The following TRPM6 variants were observed in gnomAD, a reference collection of about 807,000 sequenced individuals.
TRPM6 encodes the protein transient receptor potential cation channel subfamily M member 6, also known as channel kinase 2.
Under a neutral mutation model 247.6 loss-of-function variants are expected in TRPM6, and 111 were observed. The ratio of observed to expected loss-of-function variants is 0.45; its 90% CI spans 0.38 to 0.52. The LOEUF (loss-of-function observed/expected upper bound fraction) is 0.52, where lower values mean the gene tolerates loss of function less well. TRPM6 is among the 20% of genes least tolerant of loss of function. The probability of loss-of-function intolerance (pLI) is 0.00; values close to 1 mark genes in which losing one functional copy is unlikely to be tolerated. For synonymous variants in TRPM6, 892 were observed against 853.8 expected (o/e 1.04, Z -0.78); for missense variants, 2,126 against 2,421.5 (o/e 0.88, Z 2.56).
chr9:74,876,481 C>G (rs1831194586), intron 1 of TRPM6, among the ~76,000 whole-genome samples: 1 of 152,180 alleles, frequency 6.6e-6, no homozygotes, highest in South Asian at 2.1e-4. Context: ...TACCTGGGTG[C>G]AGTTATTAAA....
rs747878850 is a variant in TRPM6, at chr9:74,801,992, C to T, written c.1915G>A (p.Val639Met). Residue 639 changes from valine to methionine, a missense_variant, in exon 16 of 39, where the codon GTG (valine) becomes ATG (methionine). Physicochemically the swap from Val to Met is conservative, Grantham distance 21. This residue lies in a region of TRPM6 where 1,082 missense variants were observed against 1,307.9 expected (regional missense o/e 0.83). Coordinates refer to ENST00000360774, the MANE Select transcript of TRPM6 (RefSeq NM_017662.5). Reference protein sequence around the residue: ...QHGEEATVKAVIACILYRAMA... With the variant: ...QHGEEATVKAMIACILYRAMA... ...GCCCGGTAGAGGATACACGCAATCA[C>T]GGCTTTAACCGTGGCCTCCTCTCCA... 13 of 1,614,104 alleles carry T rather than the reference C, an allele frequency of 8.1e-6. No homozygotes were observed. Among genetic ancestry groups the T allele is most frequent in the South Asian group, 2.2e-5 (2 of 91,090 alleles).
chr9:74,829,953 C>T (rs527527320), intron 6 of TRPM6, among the ~76,000 whole-genome samples: 32 of 152,030 alleles, frequency 2.1e-4, no homozygotes, highest in Non-Finnish European at 4.3e-4. Flanking sequence ...AGCAAGGCCC[C>T]ATCTCTAAAA....
chr9:74,800,910 T>TG (rs1554708851), intron 16 of TRPM6, among the ~76,000 whole-genome samples: 2 of 151,326 alleles, frequency 1.3e-5, no homozygotes, highest in African/African-American at 2.4e-5. Context: ...GTGTGTTTTT[T>TG]TTTTTTTTTT....
intron 36 of TRPM6, among the ~76,000 whole-genome samples, chr9:74,737,034 C>T (rs1046923482): frequency 2.0e-5 from 3 of 152,010 alleles, no homozygotes; most frequent in Non-Finnish European, 4.4e-5. Context: ...CAGTCAAATA[C>T]AGATGAAAAC....
intron 2 of TRPM6, 76 bp downstream of exon 2, chr9:74,858,593 T>A: frequency 1.1e-6 from 1 of 897,226 alleles, no homozygotes; most frequent in Non-Finnish European, 1.8e-6. Flanking sequence ...TCTAAACAAG[T>A]CATATTTCTA....
chr9:74,746,573 T>G (rs1005034399), intron 31 of TRPM6, among the ~76,000 whole-genome samples: 2 of 152,204 alleles, frequency 1.3e-5, no homozygotes, highest in African/African-American at 4.8e-5. Flanking sequence ...TTCAAGAGCA[T>G]TGAGGAAAAA....
At chr9:74,779,576 C>G (rs901162698) in intron 23 of TRPM6, among the ~76,000 whole-genome samples, 7 of 152,128 alleles carry the variant, frequency 4.6e-5, no homozygotes, top group African/African-American at 1.7e-4. Context: ...AATCAAATAC[C>G]TAGCACAGTG....
chr9:74,764,321 A>C (rs1205672621), intron 25 of TRPM6, among the ~76,000 whole-genome samples: 1 of 152,176 alleles, frequency 6.6e-6, no homozygotes, highest in Admixed American at 6.5e-5. Flanking sequence ...AATCAAGTTA[A>C]AATGTGATCA....
At chr9:74,768,463 C>T (rs1225370895) in intron 25 of TRPM6, among the ~76,000 whole-genome samples, 1 of 152,218 alleles carries the variant, frequency 6.6e-6, no homozygotes, top group Non-Finnish European at 1.5e-5. Context: ...GCCTCCTGAA[C>T]ATCTCTGGCT....
rs756340370 is a variant in TRPM6, at chr9:74,762,825, C to T, written c.3846G>A (p.Leu1282=). The change falls in exon 26 of 39, where the codon TTG becomes TTA. Residue 1282 remains leucine, a synonymous_variant. Transcript: ENST00000360774. Reference sequence around the variant, plus strand: ...GCCGGCCTCCAGCCAGGCTCCTCAGCAAAGAAGAGGGCATGCTATAATACT... The same window carrying T: ...GCCGGCCTCCAGCCAGGCTCCTCAGTAAAGAAGAGGGCATGCTATAATACT... The part of the protein sequence containing the change: ...KYQYYSMPSS[L]LRSLAGGRHP... 2 of 1,614,176 alleles carry T rather than the reference C, an allele frequency of 1.2e-6. No homozygotes were observed.
intron 33 of TRPM6, among the ~76,000 whole-genome samples, chr9:74,741,744 G>T (rs1219136410): frequency 6.6e-6 from 1 of 151,942 alleles, no homozygotes; most frequent in Non-Finnish European, 1.5e-5. Flanking sequence ...ACAAAAATTA[G>T]CTGGGCGTGG....
chr9:74,784,279 A>G (rs1827568806), intron 21 of TRPM6, among the ~76,000 whole-genome samples: 1 of 151,348 alleles, frequency 6.6e-6, no homozygotes. Context: ...AAAAAAAAAA[A>G]GAAAGAAAAA....
chr9:74,793,386 C>T (rs984077454), intron 18 of TRPM6, among the ~76,000 whole-genome samples: 12 of 151,994 alleles, frequency 7.9e-5, no homozygotes, highest in South Asian at 6.2e-4. Flanking sequence ...TTGCTCTTGT[C>T]GCCCAGGCTG....
intron 15 of TRPM6, 42 bp from the exon 16 acceptor site, chr9:74,802,217 A>T (rs373674358): frequency 6.3e-7 from 1 of 1,578,316 alleles, no homozygotes; most frequent in Non-Finnish European, 8.7e-7. Flanking sequence ...AAATACTCAG[A>T]TGTATGATGT....
chr9:74,880,936 C>T (rs953205031), intron 1 of TRPM6, among the ~76,000 whole-genome samples: 2 of 151,952 alleles, frequency 1.3e-5, no homozygotes, highest in South Asian at 4.2e-4. Flanking sequence ...CAATAATAAC[C>T]GTGAAACTAA....
intron 3 of TRPM6, among the ~76,000 whole-genome samples, chr9:74,844,328 T>C (rs183461803): frequency 3.2e-4 from 48 of 152,336 alleles, no homozygotes; most frequent in Non-Finnish European, 6.2e-4. Flanking sequence ...TCAGATGGCA[T>C]CTTCTTCCAA....
intron 1 of TRPM6, among the ~76,000 whole-genome samples, chr9:74,880,063 C>T (rs889707767): frequency 6.6e-6 from 1 of 151,940 alleles, no homozygotes; most frequent in African/African-American, 2.4e-5. Flanking sequence ...GGGAAAACTC[C>T]CACACACATA....
chr9:74,820,216 G>GA, intron 9 of TRPM6, 88 bp downstream of exon 9: 6 of 1,432,460 alleles, frequency 4.2e-6, no homozygotes, highest in Non-Finnish European at 5.8e-6. Flanking sequence ...TGTCCACCAT[G>GA]TTTTTTTTTA....
In TRPM6 at chr9:74,762,482, A is replaced by C; in HGVS notation, c.4189T>G (p.Trp1397Gly). The change falls in exon 26 of 39, where the codon TGG (tryptophan) becomes GGG (glycine). Residue 1397 changes from tryptophan to glycine, a missense_variant. Trp to Gly is a radical substitution (Grantham distance 184, BLOSUM62 -2). Coordinates refer to ENST00000360774, the MANE Select transcript of TRPM6 (RefSeq NM_017662.5). ...TCCTTGGGTTCATCCACTGATGCCC[A>C]GTCAGAGACAACTGGGGTCTGCCCA... ...LTGQTPVVSD[W>G]ASVDEPKEKH... The C allele has an allele frequency of 6.2e-7, 1 of 1,614,200 alleles. No homozygotes were observed. The highest frequency in any genetic ancestry group is 8.5e-7 in the Non-Finnish European group (1 of 1,180,036).
Sources: allele counts gnomAD v4.1 joint callset (sites outside exome capture counted in the v4.1 genomes callset), GRCh38; gene constraint gnomAD v4.1.1; regional missense constraint gnomAD v4.1.1; transcripts MANE v1.5; gene names NCBI Gene and HGNC (gene_info 2026-07-23, HGNC 2026-07-21).